The following GAB1 variants were observed in gnomAD, a reference collection of about 807,000 sequenced individuals.
GAB1 encodes GRB2 associated binding protein 1.
A neutral mutation model predicts 66.5 loss-of-function variants in GAB1; 19 were observed. That is an observed-to-expected ratio of 0.29 (90% CI 0.20 to 0.42). The LOEUF (loss-of-function observed/expected upper bound fraction) is 0.42. Among genes scored for constraint, GAB1 ranks in the 10% least tolerant of loss-of-function variants. The probability of loss-of-function intolerance (pLI) is 1.00; values close to 1 mark genes in which losing one functional copy is unlikely to be tolerated. For missense variants in GAB1, 732 were observed against 858.5 expected (o/e 0.85, Z 1.84); for synonymous variants, 294 against 301.4 (o/e 0.98, Z 0.25).
intron 2 of GAB1, among the ~76,000 whole-genome samples, chr4:143,416,107 TA>T (rs1228675010): frequency 6.6e-6 from 1 of 152,182 alleles, no homozygotes; most frequent in Non-Finnish European, 1.5e-5. Flanking sequence ...TTTCACCTAT[TA>T]AAAAATAGCA....
chr4:143,401,143 A>G (rs1281793052), intron 1 of GAB1, among the ~76,000 whole-genome samples: 2 of 152,316 alleles, frequency 1.3e-5, no homozygotes, highest in Non-Finnish European at 2.9e-5. Context: ...GTAGATAACT[A>G]TAAGTAGATT....
At chr4:143,464,645 C>T (rs1735684804) in intron 8 of GAB1, among the ~76,000 whole-genome samples, 1 of 152,150 alleles carries the variant, frequency 6.6e-6, no homozygotes, top group South Asian at 2.1e-4. Flanking sequence ...ACTGAATAAA[C>T]ATACTGCATA....
intron 1 of GAB1, among the ~76,000 whole-genome samples, chr4:143,361,174 A>G (rs1729649836): frequency 6.6e-6 from 1 of 152,162 alleles, no homozygotes; most frequent in African/African-American, 2.4e-5. Context: ...GACATTCCAG[A>G]AAGTAACTGT....
At chr4:143,446,578 T>A (rs1734557030) in intron 6 of GAB1, among the ~76,000 whole-genome samples, 1 of 152,248 alleles carries the variant, frequency 6.6e-6, no homozygotes, top group Non-Finnish European at 1.5e-5. Flanking sequence ...GTCTTCTGGC[T>A]GCATAAATGT....
chr4:143,338,178 GTC>G (rs1728721640), intron 1 of GAB1, among the ~76,000 whole-genome samples: 1 of 152,214 alleles, frequency 6.6e-6, no homozygotes, highest in Admixed American at 6.5e-5. Flanking sequence ...CTCTTCAGAG[GTC>G]TGGGATCTTA....
intron 1 of GAB1, among the ~76,000 whole-genome samples, chr4:143,375,896 T>A (rs1218173591): frequency 6.6e-6 from 1 of 151,990 alleles, no homozygotes; most frequent in Non-Finnish European, 1.5e-5. Context: ...AACAAAAATG[T>A]CTGCAGGCAT....
intron 4 of GAB1, 61 bp downstream of exon 4, chr4:143,438,661 A>G: frequency 6.6e-7 from 1 of 1,524,626 alleles, no homozygotes; most frequent in Non-Finnish European, 8.9e-7. Context: ...ATTTTTCTGA[A>G]TATTTGTTCT....
intron 1 of GAB1, among the ~76,000 whole-genome samples, chr4:143,396,375 A>G (rs1560740178): frequency 6.6e-6 from 1 of 152,222 alleles, no homozygotes; most frequent in Non-Finnish European, 1.5e-5. Context: ...AATGTAAACT[A>G]TAGATACAGC....
At chr4:143,399,864 C>G (rs2149697776) in intron 1 of GAB1, among the ~76,000 whole-genome samples, 1 of 151,812 alleles carries the variant, frequency 6.6e-6, no homozygotes, top group South Asian at 2.1e-4. Context: ...GTATTGATGA[C>G]TGTAATGATG....
At chr4:143,386,602 A>G (rs1198102936) in intron 1 of GAB1, among the ~76,000 whole-genome samples, 1 of 152,144 alleles carries the variant, frequency 6.6e-6, no homozygotes, top group African/African-American at 2.4e-5. Flanking sequence ...TGCCCAGGCT[A>G]GTTTCAAACT....
At chr4:143,357,175 AAC>A (rs1729480489) in intron 1 of GAB1, among the ~76,000 whole-genome samples, 1 of 152,190 alleles carries the variant, frequency 6.6e-6, no homozygotes, top group Non-Finnish European at 1.5e-5. Flanking sequence ...GTTGGAACAG[AAC>A]AGATAGGATA....
chr4:143,350,881 G>T (rs76559141), intron 1 of GAB1, among the ~76,000 whole-genome samples: 4,796 of 152,216 alleles, frequency 0.032, 253 homozygotes, highest in African/African-American at 0.11. Flanking sequence ...GTTTTTAGTA[G>T]AGGTGGGTAG....
At chr4:143,384,337 C>T (rs1578632658) in intron 1 of GAB1, among the ~76,000 whole-genome samples, 1 of 152,098 alleles carries the variant, frequency 6.6e-6, no homozygotes, top group Non-Finnish European at 1.5e-5. Flanking sequence ...CAACTTTTAT[C>T]GCATTAAAAA....
rs751146295 is a variant in GAB1, at chr4:143,354,604, C to A, written c.72+17344C>A. Among the ~76,000 whole-genome samples the A allele has an allele frequency of 3.3e-5, 5 of 152,118 alleles. No individual in the cohort carries two copies. The Middle Eastern group carries it at 0.014, about 414-fold the overall frequency. ...AGGGAAGTGTTTCTTTTAAAAAAAA[C>A]TTAGTGTAGAAGATTTATCATTAAA... On this transcript the variant is annotated intron_variant, in intron 1 of 9. Coordinates refer to ENST00000262994, the MANE Select transcript of GAB1 (RefSeq NM_002039.4).
At chr4:143,408,479 AACAC>A (rs1261726908) in intron 1 of GAB1, among the ~76,000 whole-genome samples, 200 of 152,288 alleles carry the variant, frequency 1.3e-3, no homozygotes, top group East Asian at 5.8e-4. Context: ...TGTTTGTACA[AACAC>A]ACAGTTATTT....
intron 2 of GAB1, among the ~76,000 whole-genome samples, chr4:143,419,862 TGTA>T (rs1732922803): frequency 6.6e-6 from 1 of 152,176 alleles, no homozygotes; most frequent in South Asian, 2.1e-4. Flanking sequence ...TTCTTCATTA[TGTA>T]GTATTAAGCA....
intron 1 of GAB1, among the ~76,000 whole-genome samples, chr4:143,378,682 A>G (rs1365827692): frequency 9.2e-6 from 1 of 108,276 alleles, no homozygotes; most frequent in Non-Finnish European, 1.9e-5. Flanking sequence ...TCGTTTTTCT[A>G]GTCTCTAAAC....
intron 1 of GAB1, among the ~76,000 whole-genome samples, chr4:143,375,434 C>T (rs1259421954): frequency 6.6e-6 from 1 of 152,170 alleles, no homozygotes; most frequent in Non-Finnish European, 1.5e-5. Flanking sequence ...CACTTGCCAC[C>T]TGGTGGTAAG....
chr4:143,448,138 G>A (rs1734671779), intron 6 of GAB1, among the ~76,000 whole-genome samples: 1 of 151,856 alleles, frequency 6.6e-6, no homozygotes, highest in Non-Finnish European at 1.5e-5. Context: ...CAGGGATGAA[G>A]CCCACTTGAT....
Sources: allele counts gnomAD v4.1 joint callset (sites outside exome capture counted in the v4.1 genomes callset), GRCh38; gene constraint gnomAD v4.1.1; transcripts MANE v1.5; gene names NCBI Gene and HGNC (gene_info 2026-07-23, HGNC 2026-07-21).